NXN: variants seen among roughly 807,000 people sequenced by gnomAD.
NXN encodes the protein nucleoredoxin 1.
NXN carries 16 observed loss-of-function variants against 48.6 expected under a neutral mutation model. That is an observed-to-expected ratio of 0.33 (90% CI 0.22 to 0.50). The LOEUF (loss-of-function observed/expected upper bound fraction) is 0.50. NXN is among the 20% of genes least tolerant of loss of function. The pLI, the probability that NXN is intolerant of heterozygous loss-of-function variation, is 0.98. For missense variants in NXN, 492 were observed against 605.5 expected (o/e 0.81, Z 1.97); for synonymous variants, 281 against 269.6 (o/e 1.04, Z -0.41).
chr17:811,704 G>A (rs1258536599), intron 5 of NXN, among the ~76,000 whole-genome samples: 1 of 152,100 alleles, frequency 6.6e-6, no homozygotes, highest in Non-Finnish European at 1.5e-5. Context: ...CCGGCCTGGG[G>A]CCCAAACTCA....
chr17:860,279 G>A (rs35470566), intron 1 of NXN, among the ~76,000 whole-genome samples: 5,427 of 152,220 alleles, frequency 0.036, 209 homozygotes, highest in East Asian at 0.23. Flanking sequence ...GTGTGCCGCC[G>A]CGCCCGGCTA....
intron 1 of NXN, among the ~76,000 whole-genome samples, chr17:860,813 CCTAACT>C (rs1456381815): frequency 6.6e-6 from 1 of 152,202 alleles, no homozygotes; most frequent in East Asian, 1.9e-4. Context: ...AACATGTGAC[CCTAACT>C]CTAATAGTAA....
intron 1 of NXN, among the ~76,000 whole-genome samples, chr17:921,477 G>A (rs1233850094): frequency 6.6e-6 from 1 of 152,126 alleles, no homozygotes; most frequent in Admixed American, 6.5e-5. Context: ...TGGCCCCTCT[G>A]CATCTGTGGC....
Position 944,546 on chromosome 17 carries a change from G to A in NXN, c.360+34773C>T, listed in dbSNP as rs534068921. Among the ~76,000 whole-genome samples, 3 of 152,314 alleles carry A rather than the reference G, an allele frequency of 2.0e-5. No individual in the cohort carries two copies. In the South Asian group the frequency reaches 6.2e-4, roughly 32 times the overall value. ...AAGGGGCAAATGTAAGGTAGATTCT[G>A]TTTGTTTATTTGTGGCAAATAGCTC... On this transcript the variant is annotated intron_variant, in intron 1 of 7. Transcript: ENST00000336868.
intron 1 of NXN, chr17:933,507 T>A (rs544049954): frequency 6.6e-6 from 1 of 152,144 alleles, no homozygotes; most frequent in African/African-American, 2.4e-5. Flanking sequence ...TGAGGGCCCC[T>A]TGACTCCGAC....
intron 1 of NXN, among the ~76,000 whole-genome samples, chr17:914,834 A>G (rs1476364294): frequency 6.6e-6 from 1 of 152,184 alleles, no homozygotes; most frequent in African/African-American, 2.4e-5. Flanking sequence ...GGAGCTGATG[A>G]GTGCGTGGAA....
chr17:899,391 G>C (rs1458386393), intron 1 of NXN, among the ~76,000 whole-genome samples: 1 of 152,130 alleles, frequency 6.6e-6, no homozygotes, highest in East Asian at 1.9e-4. Flanking sequence ...ATAAGACCCT[G>C]AGAGAGACAC....
At chr17:880,357 T>G (rs1464521949) in intron 1 of NXN, among the ~76,000 whole-genome samples, 2 of 152,140 alleles carry the variant, frequency 1.3e-5, no homozygotes. Flanking sequence ...GGGTTTGTGA[T>G]AAGGCTGTGA....
At chr17:911,068 T>G (rs1340326938) in intron 1 of NXN, 1 of 152,098 alleles carries the variant, frequency 6.6e-6, no homozygotes, top group African/African-American at 2.4e-5. Context: ...GACTCCAAGT[T>G]CCCACAGTGC....
At chr17:882,003 GTC>G (rs138263076) in intron 1 of NXN, among the ~76,000 whole-genome samples, 4,753 of 152,188 alleles carry the variant, frequency 0.031, 253 homozygotes, top group African/African-American at 0.11. Flanking sequence ...AATGTTCTTG[GTC>G]TTGTTTGGAT....
intron 1 of NXN, chr17:908,026 G>A (rs62070211): frequency 0.15 from 22,966 of 151,848 alleles, 2,293 homozygotes; most frequent in Non-Finnish European, 0.23. Context: ...AGACACCTGT[G>A]GTCTGTTCAA....
chr17:841,250 G>A (rs902676309), intron 1 of NXN, among the ~76,000 whole-genome samples: 1 of 152,216 alleles, frequency 6.6e-6, no homozygotes, highest in African/African-American at 2.4e-5. Context: ...TCCATGCCAG[G>A]GCAACAGGCC....
At chr17:927,797 T>G (rs926396879) in intron 1 of NXN, among the ~76,000 whole-genome samples, 11 of 151,884 alleles carry the variant, frequency 7.2e-5, no homozygotes, top group Non-Finnish European at 1.5e-4. Context: ...GAGGGAGAAG[T>G]GAAGCCCATT....
At chr17:818,488 G>C (rs1032107473) in intron 5 of NXN, among the ~76,000 whole-genome samples, 14 of 152,314 alleles carry the variant, frequency 9.2e-5, no homozygotes, top group African/African-American at 3.4e-4. Context: ...GACTCTGAGT[G>C]ATGAAACTGG....
intron 1 of NXN, among the ~76,000 whole-genome samples, chr17:929,258 A>G (rs1207215263): frequency 6.6e-5 from 10 of 152,208 alleles, no homozygotes; most frequent in Admixed American, 6.5e-4. Flanking sequence ...CACCTGGCCC[A>G]GGCCACTCGC....
chr17:831,730 C>T (rs1913484755), intron 1 of NXN, among the ~76,000 whole-genome samples: 1 of 151,756 alleles, frequency 6.6e-6, no homozygotes, highest in African/African-American at 2.4e-5. Flanking sequence ...GAACTCCTGA[C>T]CTCAGGTGAT....
intron 1 of NXN, among the ~76,000 whole-genome samples, chr17:834,509 G>C (rs1161970111): frequency 1.3e-5 from 2 of 152,070 alleles, no homozygotes; most frequent in African/African-American, 4.8e-5. Context: ...CCACCTCCTG[G>C]GTTTAAGTGA....
At chr17:853,719 ATATATT>A (rs1200552350) in intron 1 of NXN, among the ~76,000 whole-genome samples, 4 of 101,858 alleles carry the variant, frequency 3.9e-5, no homozygotes, top group African/African-American at 1.1e-4. Context: ...ATATATATAT[ATATATT>A]TTTTTTTTTT....
intron 1 of NXN, among the ~76,000 whole-genome samples, chr17:885,583 C>T (rs1343107698): frequency 6.6e-6 from 1 of 150,640 alleles, no homozygotes; most frequent in Non-Finnish European, 1.5e-5. Context: ...CAGGAATCAT[C>T]TCTGGAAGTA....
Sources: gnomAD v4.1 joint callset for allele counts (sites outside exome capture counted in the v4.1 genomes callset) on GRCh38, gnomAD v4.1.1 for gene constraint, MANE v1.5 for transcripts, NCBI Gene and HGNC (gene_info 2026-07-23, HGNC 2026-07-21) for gene names.